Variants in LEMD3 observed in about 807,000 individuals in gnomAD.
LEMD3 encodes the protein LEM domain containing 3, also known as inner nuclear membrane protein Man1.
A neutral mutation model predicts 95.2 loss-of-function variants in LEMD3; 33 were observed. The ratio of observed to expected loss-of-function variants is 0.35; its 90% CI spans 0.26 to 0.46. The LOEUF (loss-of-function observed/expected upper bound fraction) is 0.46, where lower values mean the gene tolerates loss of function less well. Ranked by LOEUF, LEMD3 falls within the 20% of genes least tolerant of loss-of-function variation. LEMD3 has a pLI of 1.00. For missense variants in LEMD3, 1,210 were observed against 1,192.8 expected, an observed-to-expected ratio of 1.01 and a Z score of -0.21; for synonymous variants, 525 against 474.6, an observed-to-expected ratio of 1.11 and a Z score of -1.38.
intron 4 of LEMD3, among the ~76,000 whole-genome samples, chr12:65,225,636 A>G (rs1261015060): frequency 6.6e-6 from 1 of 152,166 alleles, no homozygotes; most frequent in Non-Finnish European, 1.5e-5. Context: ...GCTGGAGTGC[A>G]GTGGCACGAT....
chr12:65,223,307 T>C (rs1870349413), intron 4 of LEMD3, among the ~76,000 whole-genome samples: 1 of 148,642 alleles, frequency 6.7e-6, no homozygotes, highest in Non-Finnish European at 1.5e-5. Context: ...TGATTTTTTT[T>C]TTTTTTTTTT....
intron 1 of LEMD3, among the ~76,000 whole-genome samples, chr12:65,173,803 C>A (rs963269694): frequency 3.9e-5 from 6 of 152,084 alleles, no homozygotes; most frequent in African/African-American, 1.4e-4. Flanking sequence ...AAATTTGAAT[C>A]AAAGTATAAT....
In LEMD3 at chr12:65,169,806, C is replaced by T. The variant is rs1868451998; in HGVS notation, c.210C>T (p.Asn70=). 2 of 1,513,294 alleles carry T rather than the reference C, an allele frequency of 1.3e-6. No homozygotes were observed. The highest frequency in any genetic ancestry group is 1.8e-6 in the Non-Finnish European group (2 of 1,128,548). 93.7% of individuals were successfully genotyped at this position (1,513,294 alleles called of 1,614,324 possible). A position where few individuals can be genotyped will look rare whatever the true frequency, so the allele number is the denominator to read the frequency against. ...AGACGCGGAACAGTAATAACAATAA[C>T]ACGGCAGCCGCCACGGTCGCAGCCG... The part of the protein sequence containing the change: ...GNKTRNSNNN[N]TAAATVAAAG... Residue 70 remains asparagine (N), a synonymous_variant, in exon 1 of 13, where the codon AAC becomes AAT. Transcript: ENST00000308330.
chr12:65,219,839 TAATA>T (rs1458096686), intron 4 of LEMD3, among the ~76,000 whole-genome samples: 2 of 152,210 alleles, frequency 1.3e-5, no homozygotes, highest in African/African-American at 2.4e-5. Flanking sequence ...TCACCTAGCA[TAATA>T]TCTTCAAGTT....
At chr12:65,217,718 T>G (rs1016489335) in intron 3 of LEMD3, among the ~76,000 whole-genome samples, 1 of 152,198 alleles carries the variant, frequency 6.6e-6, no homozygotes, top group African/African-American at 2.4e-5. Context: ...AAGATAAATG[T>G]AGTTTTCCAA....
intron 1 of LEMD3, among the ~76,000 whole-genome samples, chr12:65,197,015 T>C (rs562203151): frequency 6.6e-5 from 10 of 152,300 alleles, no homozygotes; most frequent in South Asian, 2.1e-4. Flanking sequence ...AGTGTACTTT[T>C]ATAGCCTGAA....
chr12:65,236,220 T>A (rs1870768426), intron 4 of LEMD3, among the ~76,000 whole-genome samples: 2 of 152,200 alleles, frequency 1.3e-5, no homozygotes, highest in Admixed American at 6.5e-5. Context: ...TTGAAATGAC[T>A]TTTTATTTCT....
At chr12:65,243,601 T>C (rs985676636) in intron 10 of LEMD3, 132 bp downstream of exon 10, 15 of 691,030 alleles carry the variant, frequency 2.2e-5, no homozygotes, top group African/African-American at 3.6e-5. Context: ...AGAAATGTTA[T>C]GTTTTTCTCT....
chr12:65,201,789 C>T (rs1030848447), intron 1 of LEMD3, among the ~76,000 whole-genome samples: 10 of 151,998 alleles, frequency 6.6e-5, no homozygotes, highest in African/African-American at 2.4e-4. Context: ...ATTGCATTAG[C>T]TAGGACTTGC....
Position 65,238,745 on chromosome 12 carries a change from A to T in LEMD3, c.1852A>T (p.Met618Leu). The T allele has an allele frequency of 6.2e-7, 1 of 1,613,994 alleles. No individual in the cohort carries two copies. The highest frequency in any genetic ancestry group is 8.5e-7 in the Non-Finnish European group (1 of 1,179,918). Reference sequence around the variant, plus strand: ...GTTTTTACAGTCCACAAGACCACTGATGTCTTTTTGGTGTCGTTTTCGACG... The same window carrying T: ...GTTTTTACAGTCCACAAGACCACTGTTGTCTTTTTGGTGTCGTTTTCGACG... ...VQFLQSTRPL[M>L]SFWCRFRRAF... Residue 618 changes from methionine to leucine, a missense_variant, in exon 6 of 13, where the codon ATG becomes TTG. Coordinates refer to ENST00000308330, the MANE Select transcript of LEMD3 (RefSeq NM_014319.5).
At chr12:65,234,721 A>G (rs1870728365) in intron 4 of LEMD3, among the ~76,000 whole-genome samples, 1 of 152,174 alleles carries the variant, frequency 6.6e-6, no homozygotes, top group African/African-American at 2.4e-5. Flanking sequence ...TCTTACCCTT[A>G]CTATTTTATA....
intron 1 of LEMD3, among the ~76,000 whole-genome samples, chr12:65,189,748 C>T (rs566882439): frequency 2.0e-5 from 3 of 152,280 alleles, no homozygotes; most frequent in Admixed American, 6.5e-5. Context: ...AGTTCACATA[C>T]GTGCAGCGAG....
chr12:65,229,725 G>A (rs536230950), intron 4 of LEMD3, among the ~76,000 whole-genome samples: 1 of 152,068 alleles, frequency 6.6e-6, no homozygotes, highest in Non-Finnish European at 1.5e-5. Flanking sequence ...TGAGTTCCTT[G>A]TGTGTTCTGG....
In LEMD3 at chr12:65,229,625, G is replaced by A. The variant is rs371128973; in HGVS notation, c.1696-8877G>A. Among the ~76,000 whole-genome samples, 36 of 152,246 alleles carry A rather than the reference G, an allele frequency of 2.4e-4. 1 individual carries two copies. The highest frequency in any genetic ancestry group is 7.2e-4 in the African/African-American group (30 of 41,532). On this transcript the variant is annotated intron_variant, in intron 4 of 12. Coordinates refer to ENST00000308330, the MANE Select transcript of LEMD3 (RefSeq NM_014319.5). ...TTGTGGTTTTGATTTGTATTTCCCT[G>A]ATGATTCATATGTTGGGCATTTTTC...
chr12:65,236,192 CT>C (rs574616705), intron 4 of LEMD3, among the ~76,000 whole-genome samples: 5 of 151,890 alleles, frequency 3.3e-5, no homozygotes, highest in East Asian at 1.9e-4. Flanking sequence ...TTAGAAAAAT[CT>C]TTTTTTTAGA....
intron 4 of LEMD3, among the ~76,000 whole-genome samples, chr12:65,227,574 A>G (rs1870488921): frequency 6.6e-6 from 1 of 152,130 alleles, no homozygotes; most frequent in South Asian, 2.1e-4. Context: ...TATACCTTAA[A>G]TCTTCTCTAG....
intron 1 of LEMD3, among the ~76,000 whole-genome samples, chr12:65,202,232 G>A (rs778654138): frequency 6.6e-6 from 1 of 151,968 alleles, no homozygotes; most frequent in Non-Finnish European, 1.5e-5. Context: ...TGGCCAGACT[G>A]GTCTTGAACT....
chr12:65,223,895 T>G (rs1280493575), intron 4 of LEMD3, among the ~76,000 whole-genome samples: 1 of 151,778 alleles, frequency 6.6e-6, no homozygotes, highest in Non-Finnish European at 1.5e-5. Flanking sequence ...ACGTGTGTTT[T>G]TTAGGCATTT....
chr12:65,243,656 A>G (rs1057384220), intron 10 of LEMD3, among the ~76,000 whole-genome samples, 187 bp downstream of exon 10: 12 of 152,238 alleles, frequency 7.9e-5, no homozygotes, highest in African/African-American at 2.7e-4. Flanking sequence ...ACACTAATGT[A>G]TAAAGATTTG....
Sources: gnomAD v4.1 joint callset for allele counts (sites outside exome capture counted in the v4.1 genomes callset) on GRCh38, gnomAD v4.1.1 for gene constraint, MANE v1.5 for transcripts, NCBI Gene and HGNC (gene_info 2026-07-23, HGNC 2026-07-21) for gene names.